The following POLA2 variants were observed in gnomAD, a reference collection of about 807,000 sequenced individuals.
POLA2 encodes the protein DNA polymerase alpha subunit B.
POLA2 carries 47 observed loss-of-function variants against 82.8 expected under a neutral mutation model. The observed-to-expected ratio is 0.57, with a 90% confidence interval of 0.45 to 0.72. POLA2 has a LOEUF of 0.72. Ranked by LOEUF, POLA2 falls within the 30% of genes least tolerant of loss-of-function variation. The pLI is 0.00. For synonymous variants in POLA2, 287 were observed against 286.8 expected (o/e 1.00, Z -0.01); for missense variants, 634 against 728.1 (o/e 0.87, Z 1.49).
intron 13 of POLA2, among the ~76,000 whole-genome samples, chr11:65,291,820 C>T (rs1949758496): frequency 6.6e-6 from 1 of 152,210 alleles, no homozygotes; most frequent in Non-Finnish European, 1.5e-5. Flanking sequence ...CCAGTGTGTG[C>T]CACAGGGCAG....
chr11:65,281,636 C>T (rs1336591616), intron 8 of POLA2, 34 bp from the exon 9 acceptor site: 3 of 1,512,190 alleles, frequency 2.0e-6, no homozygotes, highest in East Asian at 2.3e-5. Context: ...TTGATCTCCA[C>T]TGCTTAGCAA....
chr11:65,281,504 A>G (rs1016296279), intron 8 of POLA2, among the ~76,000 whole-genome samples, 166 bp from the exon 9 acceptor site: 9 of 152,248 alleles, frequency 5.9e-5, no homozygotes, highest in Non-Finnish European at 1.3e-4. Flanking sequence ...GAGCATAATT[A>G]TTATTACTAA....
chr11:65,263,672 A>G (rs1330015189), intron 1 of POLA2, among the ~76,000 whole-genome samples: 1 of 152,094 alleles, frequency 6.6e-6, no homozygotes, highest in African/African-American at 2.4e-5. Flanking sequence ...TACTAAAAAT[A>G]CAAAATTAGT....
chr11:65,305,248 T>C (rs1565501164), intron 8 of POLA2: 2 of 410,172 alleles, frequency 4.9e-6, no homozygotes. Context: ...TCTGCAGAAA[T>C]TCTGCAGTTC....
downstream of POLA2, among the ~76,000 whole-genome samples, chr11:65,301,226 T>A (rs191209758): frequency 3.9e-5 from 6 of 152,230 alleles, no homozygotes. Context: ...GAGGCAGTGA[T>A]GGGCCCGGAA....
rs116964987 is a variant in POLA2, at chr11:65,262,508, G to T, written c.79+137G>T. The T allele has an allele frequency of 6.0e-3, 4,074 of 674,178 alleles. 24 individuals carry two copies. The highest frequency in any genetic ancestry group is 8.0e-3 in the Non-Finnish European group (3,256 of 404,512). The allele number at this position is 674,178 out of a possible 1,614,324, so 41.8% of individuals were successfully genotyped here. On this transcript the variant is annotated intron_variant, in intron 1 of 17. Coordinates refer to ENST00000265465, the MANE Select transcript of POLA2 (RefSeq NM_002689.4). ...GAGTTCTCGGTGGCTGTGAGATGAA[G>T]AATCAAACTTGAGTTTTGAGATTTA...
intron 6 of POLA2, 30 bp from the exon 7 acceptor site, chr11:65,279,507 AT>A: frequency 7.1e-7 from 1 of 1,417,440 alleles, no homozygotes; most frequent in African/African-American, 1.6e-5. Context: ...TGTCTTAAAC[AT>A]AATACTTTTT....
chr11:65,301,463 T>G (rs947438966), downstream of POLA2, among the ~76,000 whole-genome samples: 5 of 150,662 alleles, frequency 3.3e-5, no homozygotes, highest in African/African-American at 9.8e-5. Context: ...CTGGGTCTGT[T>G]GGGGCAGGTC....
Position 65,297,837 on chromosome 11 carries a change from A to T in POLA2, c.*568A>T, listed in dbSNP as rs927051807. ...GGCTAATTTTTTGTATTTTTAGTGG[A>T]GATGGGGTTTCACCATGTTAGCCAG... On this transcript the variant is annotated 3_prime_UTR_variant, in exon 18 of 18. Transcript: ENST00000265465. 1 of 152,278 alleles carries T rather than the reference A, an allele frequency of 6.6e-6. No homozygotes were observed. Among genetic ancestry groups the T allele is most frequent in the African/African-American group, 2.4e-5 (1 of 41,414 alleles). 9.4% of individuals were successfully genotyped at this position (152,278 alleles called of 1,614,324 possible).
chr11:65,267,667 G>A (rs927964759), intron 3 of POLA2, 99 bp downstream of exon 3: 24 of 727,148 alleles, frequency 3.3e-5, no homozygotes, highest in Middle Eastern at 2.5e-4. Flanking sequence ...TAATAAGGCC[G>A]GGCACGGTGG....
At position 65,278,847 on chromosome 11, in the gene POLA2, G is replaced by A. The variant is rs760022033; in HGVS notation, c.579G>A (p.Leu193=). The change falls in exon 6 of 18, where the codon CTG becomes CTA. Residue 193 remains leucine (L), a synonymous_variant. Transcript: ENST00000265465. ...GAGGAGGAGCTGGAAACATCAGCCT[G>A]AAGGTCTTGGGATGTCCAGAGGCAC... is the stretch of plus-strand genomic sequence containing the variant. ...SGRGGAGNIS[L]KVLGCPEALT... 41 of 1,613,760 alleles carry A rather than the reference G, an allele frequency of 2.5e-5. No individual in the cohort carries two copies. The highest frequency in any genetic ancestry group is 3.2e-5 in the Non-Finnish European group (38 of 1,180,022).
intron 4 of POLA2, among the ~76,000 whole-genome samples, chr11:65,270,219 T>C (rs1331285036): frequency 6.6e-6 from 1 of 151,878 alleles, no homozygotes; most frequent in Non-Finnish European, 1.5e-5. Context: ...AATTACATCA[T>C]AAGAAAGAAG....
Position 65,294,600 on chromosome 11 carries a change from G to A in POLA2, c.1408G>A (p.Gly470Ser), listed in dbSNP as rs748072614. The change falls in exon 15 of 18, where the codon GGC (glycine) becomes AGC (serine). Residue 470 changes from glycine (G) to serine (S), a missense_variant. Gly to Ser is a moderately conservative substitution (Grantham distance 56). Coordinates refer to ENST00000265465, the MANE Select transcript of POLA2 (RefSeq NM_002689.4). ...CCTCTCCATAAACGGAGTGATCTTC[G>A]GCTTGACATCCACAGATCTGCTTTT... ...CSLSINGVIFGLTSTDLLFHL... is the reference protein window; with the variant it reads ...CSLSINGVIFSLTSTDLLFHL... 9.9e-6 allele frequency: 16 copies of A among 1,613,900 alleles called. No individual in the cohort carries two copies. Among genetic ancestry groups the A allele is most frequent in the African/African-American group, 2.7e-5 (2 of 74,894 alleles).
At chr11:65,280,297 CCT>C (rs938840105) in intron 7 of POLA2, among the ~76,000 whole-genome samples, 2 of 152,204 alleles carry the variant, frequency 1.3e-5, no homozygotes, top group African/African-American at 4.8e-5. Flanking sequence ...GATGAGACTT[CCT>C]CTGTTTTCTC....
intron 13 of POLA2, 113 bp from the exon 14 acceptor site, chr11:65,294,040 T>C (rs990153389): frequency 1.4e-5 from 12 of 843,118 alleles, no homozygotes; most frequent in Admixed American, 1.0e-4. Flanking sequence ...CTGAGCTGCC[T>C]CCCTCGGGGT....
At chr11:65,270,794 T>G (rs1274737504) in intron 4 of POLA2, among the ~76,000 whole-genome samples, 1 of 152,186 alleles carries the variant, frequency 6.6e-6, no homozygotes, top group Non-Finnish European at 1.5e-5. Context: ...CATATCCACC[T>G]CTAACCACCT....
At chr11:65,275,826 T>C in intron 4 of POLA2, 66 bp from the exon 5 acceptor site, 1 of 884,848 alleles carries the variant, frequency 1.1e-6, no homozygotes, top group South Asian at 1.5e-5. Context: ...TCTTCCAAGG[T>C]ACTATACACT....
Position 65,262,350 on chromosome 11 carries a change from G to A in POLA2, c.58G>A (p.Glu20Lys). 6.2e-7 allele frequency: 1 copy of A among 1,613,806 alleles called. No homozygotes were observed. ...GCTGCAGATCTTCGGCCTAGACTGCGAGGAGGCTCTAATTGAGAAATGTGA... is the reference window on the plus strand; with the variant it reads ...GCTGCAGATCTTCGGCCTAGACTGCAAGGAGGCTCTAATTGAGAAATGTGA... Reference protein sequence around the residue: ...EELQIFGLDCEEALIEKLVEL... With the variant: ...EELQIFGLDCKEALIEKLVEL... The change falls in exon 1 of 18, where the codon GAG becomes AAG. Residue 20 changes from glutamate to lysine, a missense_variant. Physicochemically the swap from Glu to Lys is moderately conservative, Grantham distance 56. Coordinates refer to ENST00000265465, the MANE Select transcript of POLA2 (RefSeq NM_002689.4).
intron 3 of POLA2, among the ~76,000 whole-genome samples, chr11:65,268,383 G>A (rs754027605): frequency 5.4e-5 from 8 of 149,308 alleles, no homozygotes; most frequent in Admixed American, 2.7e-4. Flanking sequence ...ATGGAGTCTC[G>A]CTGTGTCGCC....
Sources: allele counts gnomAD v4.1 joint callset (sites outside exome capture counted in the v4.1 genomes callset), GRCh38; gene constraint gnomAD v4.1.1; transcripts MANE v1.5; gene names NCBI Gene and HGNC (gene_info 2026-07-23, HGNC 2026-07-21).